The following TJP2 variants were observed in gnomAD, a reference collection of about 807,000 sequenced individuals.
TJP2 encodes the protein Friedreich ataxia region gene X104 (tight junction protein ZO-2).
Under a neutral mutation model 133.1 loss-of-function variants are expected in TJP2, and 91 were observed. The ratio of observed to expected loss-of-function variants is 0.68; its 90% CI spans 0.58 to 0.81. TJP2 has a LOEUF of 0.81. TJP2 is among the 40% of genes least tolerant of loss of function. The pLI, the probability that TJP2 is intolerant of heterozygous loss-of-function variation, is 0.00. For missense variants in TJP2, 1,541 were observed against 1,565.6 expected (o/e 0.98, Z 0.26); for synonymous variants, 592 against 583.4 (o/e 1.01, Z -0.21).
At chr9:69,177,961 G>T (rs1825219196) in intron 1 of TJP2, among the ~76,000 whole-genome samples, 1 of 152,088 alleles carries the variant, frequency 6.6e-6, no homozygotes, top group Non-Finnish European at 1.5e-5. Flanking sequence ...CTGGGTGACT[G>T]ACAGCTAGAG....
At chr9:69,183,215 C>G (rs1825636829) in intron 1 of TJP2, among the ~76,000 whole-genome samples, 1 of 152,168 alleles carries the variant, frequency 6.6e-6, no homozygotes, top group Non-Finnish European at 1.5e-5. Flanking sequence ...AACACCATCA[C>G]TCTCTAGTTC....
chr9:69,174,463 A>G lies in TJP2; in HGVS notation c.60+31A>G, dbSNP rs1824907560. On this transcript the variant is annotated intron_variant, in intron 1 of 22. Transcript: ENST00000377245. ...TGCCTCCTTGTGCCGCGCGGTTGGG[A>G]GGAGGGTCGTGAGCGTGAGCGTGGG... 3 of 1,444,884 alleles carry G rather than the reference A, an allele frequency of 2.1e-6. No individual in the cohort carries two copies. In the African/African-American group the frequency reaches 4.4e-5, roughly 21 times the overall value. 89.5% of individuals were successfully genotyped at this position (1,444,884 alleles called of 1,614,324 possible).
intron 13 of TJP2, 78 bp downstream of exon 13, chr9:69,236,316 G>T (rs566239880): frequency 1.4e-6 from 2 of 1,439,992 alleles, no homozygotes; most frequent in African/African-American, 1.4e-5. Flanking sequence ...CCCTTCCCCC[G>T]TAAAAGGAAA....
intron 4 of TJP2, among the ~76,000 whole-genome samples, chr9:69,219,133 C>G (rs1301307707): frequency 6.6e-6 from 1 of 152,088 alleles, no homozygotes; most frequent in African/African-American, 2.4e-5. Flanking sequence ...CCACACCTGT[C>G]TAATTTTGTA....
At chr9:69,195,571 G>A (rs1564424135) in intron 1 of TJP2, among the ~76,000 whole-genome samples, 1 of 152,166 alleles carries the variant, frequency 6.6e-6, no homozygotes, top group Non-Finnish European at 1.5e-5. Flanking sequence ...AAAAGCAGGA[G>A]TAGGGTTAGG....
chr9:69,141,076 C>T (rs1473728777), intron 1 of TJP2, among the ~76,000 whole-genome samples: 3 of 152,192 alleles, frequency 2.0e-5, no homozygotes, highest in Non-Finnish European at 4.4e-5. Flanking sequence ...GTCTTGAACT[C>T]CTGACCTCAG....
At chr9:69,252,766 C>T (rs1480912261) in intron 21 of TJP2, 49 bp from the exon 22 acceptor site, 1 of 1,553,176 alleles carries the variant, frequency 6.4e-7, no homozygotes, top group Non-Finnish European at 8.9e-7. Context: ...GCAGAGTGCC[C>T]AGTGGTTCAT....
At chr9:69,187,794 T>G (rs1305521320) in intron 1 of TJP2, among the ~76,000 whole-genome samples, 1 of 152,112 alleles carries the variant, frequency 6.6e-6, no homozygotes, top group Non-Finnish European at 1.5e-5. Flanking sequence ...AGGCATGATG[T>G]AGAGTAGTTG....
At chr9:69,252,962 GAA>G in intron 22 of TJP2, 62 bp downstream of exon 22, 1 of 1,510,164 alleles carries the variant, frequency 6.6e-7, no homozygotes, top group Non-Finnish European at 9.2e-7. Flanking sequence ...GGGACTTGAA[GAA>G]AGAATTTCCT....
chr9:69,130,059 T>TA (rs1187268140), intron 1 of TJP2, among the ~76,000 whole-genome samples: 2 of 148,924 alleles, frequency 1.3e-5, no homozygotes, highest in African/African-American at 4.9e-5. Flanking sequence ...AAAAAGAAAG[T>TA]AAAAAAAGAG....
At chr9:69,171,877 C>A (rs569929969), upstream of TJP2, among the ~76,000 whole-genome samples, 1 of 131,378 alleles carries the variant, frequency 7.6e-6, no homozygotes, top group Non-Finnish European at 1.5e-5. Flanking sequence ...CTCACTGTAA[C>A]CTCCGCCTCT....
intron 17 of TJP2, among the ~76,000 whole-genome samples, chr9:69,244,722 G>A (rs987077004): frequency 2.0e-5 from 3 of 152,232 alleles, no homozygotes; most frequent in African/African-American, 4.8e-5. Flanking sequence ...GCACCTGCCT[G>A]TTAAAAAGAG....
intron 18 of TJP2, 28 bp downstream of exon 18, chr9:69,246,818 G>A: frequency 6.3e-7 from 1 of 1,591,094 alleles, no homozygotes; most frequent in Non-Finnish European, 8.6e-7. Context: ...GCTGCTATGA[G>A]GTGAGAGTCC....
rs1007359021 is a variant in TJP2 at position 69,254,850 on chromosome 9, T to G, written c.*476T>G. On this transcript the variant is annotated 3_prime_UTR_variant, in exon 23 of 23. Transcript: ENST00000377245. ...TAAGTGCCTTGGATGAGAAGTGTCT[T>G]AAATTTTCTTCCTTTGAAGCTTTAG... 3 of 434,496 alleles carry G rather than the reference T, an allele frequency of 6.9e-6. No individual in the cohort carries two copies. The South Asian group carries it at 2.5e-4, about 36-fold the overall frequency. The allele number at this position is 434,496 out of a possible 1,614,324, so 26.9% of individuals were successfully genotyped here. A position where few individuals can be genotyped will look rare whatever the true frequency, so the allele number is the denominator to read the frequency against.
rs1189567891 is a variant in TJP2 at position 69,221,499 on chromosome 9, A to G, written c.952+3A>G. 2.5e-6 allele frequency: 4 copies of G among 1,602,400 alleles called. No homozygotes were observed. The highest frequency in any genetic ancestry group is 1.7e-5 in the Admixed American group (1 of 58,656). On this transcript the variant is annotated splice_donor_region_variant and intron_variant, in intron 5 of 22. Coordinates refer to ENST00000377245, the MANE Select transcript of TJP2 (RefSeq NM_004817.4). The stretch of plus-strand genomic sequence containing the variant: ...GATGAAAAGCAGAGCGAACGAAGGT[A>G]GGCATGCTTGATGTGGGAAGAAAAG...
chr9:69,129,395 C>A (rs1458532551), intron 1 of TJP2, among the ~76,000 whole-genome samples: 1 of 151,572 alleles, frequency 6.6e-6, no homozygotes, highest in East Asian at 1.9e-4. Context: ...GCTGTCCTTC[C>A]AGCTACTCAG....
intron 1 of TJP2, among the ~76,000 whole-genome samples, chr9:69,130,634 G>A (rs57733875): frequency 0.06 from 9,203 of 152,130 alleles, 404 homozygotes; most frequent in East Asian, 0.22. Flanking sequence ...TGACGGAAGG[G>A]GCCGGGCTTG....
intron 1 of TJP2, among the ~76,000 whole-genome samples, chr9:69,189,796 T>C (rs1826090719): frequency 9.0e-6 from 1 of 110,664 alleles, no homozygotes; most frequent in Admixed American, 8.2e-5. Context: ...TTCCAATGCC[T>C]ATCCCCTCAC....
intron 22 of TJP2, 97 bp from the exon 23 acceptor site, chr9:69,254,112 C>G: frequency 1.4e-6 from 2 of 1,396,214 alleles, no homozygotes; most frequent in Non-Finnish European, 1.0e-6. Context: ...GTGATCTGCT[C>G]GGGATACCCA....
Sources: allele counts gnomAD v4.1 joint callset (sites outside exome capture counted in the v4.1 genomes callset), GRCh38; gene constraint gnomAD v4.1.1; transcripts MANE v1.5; gene names NCBI Gene and HGNC (gene_info 2026-07-23, HGNC 2026-07-21).